Variants in WWP2 observed in about 807,000 individuals in gnomAD.
WWP2 encodes the protein WW domain containing E3 ubiquitin protein ligase 2.
In WWP2, 57 loss-of-function variants were observed where a neutral mutation model predicts 121.0. The observed-to-expected ratio is 0.47, with a 90% CI of 0.38 to 0.59. The LOEUF is 0.59. Among genes scored for constraint, WWP2 ranks in the 20% least tolerant of loss-of-function variants. The pLI is 0.00. For missense variants in WWP2, 962 were observed against 1,158.9 expected, an observed-to-expected ratio of 0.83 and a Z score of 2.47; for synonymous variants, 449 against 441.3, an observed-to-expected ratio of 1.02 and a Z score of -0.22.
intron 7 of WWP2, among the ~76,000 whole-genome samples, chr16:69,876,424 G>T (rs954952581): frequency 6.6e-6 from 1 of 151,650 alleles, no homozygotes; most frequent in African/African-American, 2.4e-5. Context: ...GAATGCCGTG[G>T]CATGATCTTG....
Position 69,931,167 on chromosome 16 carries a change from C to T in WWP2, c.1461C>T (p.Ser487=). The T allele has an allele frequency of 3.7e-6, 6 of 1,614,146 alleles. No individual in the cohort carries two copies. Among genetic ancestry groups the T allele is most frequent in the Non-Finnish European group, 4.2e-6 (5 of 1,180,010 alleles). ...CTCTTCCTAGGACGAAGCAAGGTTCCCCTGGTGCTTATGACCGCAGTTTTC... is the reference window on the plus strand; with the variant it reads ...CTCTTCCTAGGACGAAGCAAGGTTCTCCTGGTGCTTATGACCGCAGTTTTC... The part of the protein sequence containing the change: ...PGFESGTKQG[S]PGAYDRSFRW... The change falls in exon 14 of 24, where the codon TCC becomes TCT. Residue 487 remains serine (S), a synonymous_variant. Transcript: ENST00000359154.
intron 7 of WWP2, among the ~76,000 whole-genome samples, chr16:69,882,790 A>G (rs181947141): frequency 6.6e-6 from 1 of 152,170 alleles, no homozygotes; most frequent in Non-Finnish European, 1.5e-5. Flanking sequence ...TTTTGGGGAG[A>G]TATGGGTGTA....
rs28634771 is a variant in WWP2 at position 69,867,919 on chromosome 16, A to G, written c.576-3885A>G. 2.2e-3 allele frequency among the ~76,000 whole-genome samples: 335 copies of G among 152,104 alleles called. 3 individuals carry two copies. Among genetic ancestry groups the G allele is most frequent in the African/African-American group, 7.4e-3 (306 of 41,458 alleles). ...CTGGCTGTCTCAGCCATCACCCTGCATTTGTCTGGGTGCTATTTTGGCCCA... is the reference window on the plus strand; with the variant it reads ...CTGGCTGTCTCAGCCATCACCCTGCGTTTGTCTGGGTGCTATTTTGGCCCA... On this transcript the variant is annotated intron_variant, in intron 6 of 23. Coordinates refer to ENST00000359154, the MANE Select transcript of WWP2 (RefSeq NM_001270454.2).
intron 4 of WWP2, among the ~76,000 whole-genome samples, chr16:69,834,642 T>A (rs1337241561): frequency 1.3e-5 from 2 of 151,336 alleles, no homozygotes; most frequent in East Asian, 3.9e-4. Flanking sequence ...TTCTCCTGCC[T>A]CAGCCTCCCG....
At chr16:69,928,440 G>T (rs1462399056) in intron 11 of WWP2, among the ~76,000 whole-genome samples, 1 of 152,064 alleles carries the variant, frequency 6.6e-6, no homozygotes, top group Non-Finnish European at 1.5e-5. Flanking sequence ...ACCAGCTAGG[G>T]TTGGGTCTGC....
At chr16:69,922,564 A>G (rs1597165315) in intron 10 of WWP2, among the ~76,000 whole-genome samples, 1 of 152,026 alleles carries the variant, frequency 6.6e-6, no homozygotes, top group East Asian at 1.9e-4. Context: ...CCCCATCTCC[A>G]TCCTTTTCTG....
intron 23 of WWP2, 128 bp from the exon 24 acceptor site, chr16:69,939,713 T>C: frequency 1.3e-6 from 1 of 768,226 alleles, no homozygotes; most frequent in East Asian, 3.0e-5. Flanking sequence ...TGTGAAGGCC[T>C]GACTGGCAGC....
intron 2 of WWP2, 66 bp downstream of exon 2, chr16:69,787,146 C>T: frequency 6.8e-7 from 1 of 1,474,224 alleles, no homozygotes; most frequent in South Asian, 1.3e-5. Context: ...TCTAACCACA[C>T]CTTGGTCTGG....
intron 4 of WWP2, among the ~76,000 whole-genome samples, chr16:69,826,567 G>A (rs12446168): frequency 0.37 from 41,011 of 111,766 alleles, 8,013 homozygotes; most frequent in Non-Finnish European, 0.46. Flanking sequence ...GTGAGACTCC[G>A]TCTCAAAAAA....
rs554483169 is a variant in WWP2, at chr16:69,787,172, G to A, written c.70+92G>A. The A allele has an allele frequency of 6.0e-6, 6 of 996,124 alleles. No individual in the cohort carries two copies. The Admixed American group carries it at 1.6e-4, about 27-fold the overall frequency. The allele number at this position is 996,124 out of a possible 1,614,324, so 61.7% of individuals were successfully genotyped here. Reference sequence around the variant, plus strand: ...CTTGGTCTGGGGAGCCAAATTTTGTGAAATAGTTTACATGTGTTAATTATT... The same window carrying A: ...CTTGGTCTGGGGAGCCAAATTTTGTAAAATAGTTTACATGTGTTAATTATT... On this transcript the variant is annotated intron_variant, in intron 2 of 23. Coordinates refer to ENST00000359154, the MANE Select transcript of WWP2 (RefSeq NM_001270454.2).
intron 4 of WWP2, among the ~76,000 whole-genome samples, chr16:69,802,913 C>T (rs1383179868): frequency 2.0e-5 from 3 of 151,964 alleles, no homozygotes; most frequent in Non-Finnish European, 4.4e-5. Flanking sequence ...CCCAAGATAT[C>T]TTATTATGTA....
chr16:69,897,420 T>C (rs939748683), intron 8 of WWP2, among the ~76,000 whole-genome samples: 6 of 152,100 alleles, frequency 3.9e-5, no homozygotes, highest in African/African-American at 1.4e-4. Context: ...AGGTCTTTTT[T>C]TAACCACCTC....
At chr16:69,934,955 A>G (rs2058773514) in intron 17 of WWP2, among the ~76,000 whole-genome samples, 1 of 152,094 alleles carries the variant, frequency 6.6e-6, no homozygotes, top group Non-Finnish European at 1.5e-5. Flanking sequence ...GGGTGTAGGG[A>G]CATCTGTCAG....
chr16:69,912,848 A>G (rs2151966105), intron 9 of WWP2, among the ~76,000 whole-genome samples: 1 of 142,852 alleles, frequency 7.0e-6, no homozygotes, highest in South Asian at 2.3e-4. Flanking sequence ...TCCAGAGGCC[A>G]AGGTGGGAGG....
chr16:69,769,850 T>C (rs962306424), intron 1 of WWP2, among the ~76,000 whole-genome samples: 2 of 151,228 alleles, frequency 1.3e-5, no homozygotes, highest in African/African-American at 2.4e-5. Context: ...CTAAAATCAT[T>C]GAAATCTCCC....
intron 21 of WWP2, among the ~76,000 whole-genome samples, chr16:69,938,290 A>C (rs1242011366): frequency 6.6e-6 from 1 of 152,086 alleles, no homozygotes; most frequent in Non-Finnish European, 1.5e-5. Context: ...CTGGGATTAC[A>C]GGCGTGAGCC....
chr16:69,916,672 G>A (rs2058483655), intron 9 of WWP2, among the ~76,000 whole-genome samples: 1 of 152,136 alleles, frequency 6.6e-6, no homozygotes, highest in Non-Finnish European at 1.5e-5. Context: ...TCCCTGGGAG[G>A]AGAATTGACA....
intron 1 of WWP2, among the ~76,000 whole-genome samples, chr16:69,777,089 GATAT>G (rs35140828): frequency 0.012 from 1,746 of 143,972 alleles, 19 homozygotes; most frequent in Middle Eastern, 0.061. Context: ...ACAGTATATG[GATAT>G]ATATATACAC....
In WWP2 at chr16:69,821,192, C is replaced by T. The variant is rs187768417; in HGVS notation, c.341-18934C>T. On this transcript the variant is annotated intron_variant, in intron 4 of 23. Coordinates refer to ENST00000359154, the MANE Select transcript of WWP2 (RefSeq NM_001270454.2). ...GCTTTCTATCATCCTGCACCTCAGGCAGATATGCCCAGGCCAGAACCTCAA... is the reference window on the plus strand; with the variant it reads ...GCTTTCTATCATCCTGCACCTCAGGTAGATATGCCCAGGCCAGAACCTCAA... Among the ~76,000 whole-genome samples, 5 of 152,332 alleles carry T rather than the reference C, an allele frequency of 3.3e-5. No individual in the cohort carries two copies. The East Asian group carries it at 7.7e-4, about 24-fold the overall frequency.
Sources: allele counts gnomAD v4.1 joint callset (sites outside exome capture counted in the v4.1 genomes callset), GRCh38; gene constraint gnomAD v4.1.1; transcripts MANE v1.5; gene names NCBI Gene and HGNC (gene_info 2026-07-23, HGNC 2026-07-21).